ADAMTS3: variants seen among roughly 807,000 people sequenced by gnomAD.
ADAMTS3 encodes A disintegrin and metalloproteinase with thrombospondin motifs 3.
In ADAMTS3, 73 loss-of-function variants were observed where a neutral mutation model predicts 129.0. That is an observed-to-expected ratio of 0.57 (90% CI 0.47 to 0.69). The LOEUF (loss-of-function observed/expected upper bound fraction) is 0.69, where lower values mean the gene tolerates loss of function less well. Ranked by LOEUF, ADAMTS3 falls within the 30% of genes least tolerant of loss-of-function variation. The pLI is 0.00. For missense variants in ADAMTS3, 1,457 were observed against 1,514.5 expected (o/e 0.96, Z 0.63); for synonymous variants, 477 against 510.8 (o/e 0.93, Z 0.89).
intron 3 of ADAMTS3, among the ~76,000 whole-genome samples, chr4:72,421,422 A>G: frequency 6.6e-6 from 1 of 152,210 alleles, no homozygotes. Context: ...TAGGTGCATA[A>G]CACTTGAGGG....
chr4:72,472,656 G>A (rs1007284068), intron 3 of ADAMTS3, among the ~76,000 whole-genome samples: 5 of 152,016 alleles, frequency 3.3e-5, no homozygotes, highest in Non-Finnish European at 5.9e-5. Flanking sequence ...CTTTCACCTT[G>A]CAGTTCTGAA....
chr4:72,480,439 G>C (rs184190752), intron 3 of ADAMTS3, among the ~76,000 whole-genome samples: 1 of 151,754 alleles, frequency 6.6e-6, no homozygotes, highest in Non-Finnish European at 1.5e-5. Context: ...GTAAACTATC[G>C]CAAGGACAAA....
intron 3 of ADAMTS3, among the ~76,000 whole-genome samples, chr4:72,530,056 A>AATATGTTATATATTATATTTATAT (rs1720951895): frequency 4.0e-4 from 1 of 2,514 alleles, no homozygotes; most frequent in African/African-American, 2.3e-3. Context: ...ATTTATATAT[A>AATATGTTATATATTATATTTATAT]ATATGTTATA....
intron 4 of ADAMTS3, among the ~76,000 whole-genome samples, chr4:72,349,163 C>T (rs1578604241): frequency 1.3e-5 from 2 of 152,020 alleles, no homozygotes; most frequent in African/African-American, 2.4e-5. Flanking sequence ...AGAAGCTAAA[C>T]TTATCTGAGC....
At chr4:72,458,275 C>G (rs1448973372) in intron 3 of ADAMTS3, among the ~76,000 whole-genome samples, 1 of 151,446 alleles carries the variant, frequency 6.6e-6, no homozygotes, top group Admixed American at 6.6e-5. Context: ...ATCCCAGAGC[C>G]TTAAAGTCTC....
chr4:72,372,671 CTAGA>C (rs1232185353), intron 4 of ADAMTS3, among the ~76,000 whole-genome samples: 2 of 151,680 alleles, frequency 1.3e-5, no homozygotes, highest in Non-Finnish European at 2.9e-5. Context: ...TTTTTATATG[CTAGA>C]TATAGAATTT....
At chr4:72,374,756 T>A (rs1460391310) in intron 4 of ADAMTS3, among the ~76,000 whole-genome samples, 1 of 152,194 alleles carries the variant, frequency 6.6e-6, no homozygotes, top group South Asian at 2.1e-4. Flanking sequence ...AATTTATTTT[T>A]AAATGTGGAA....
rs139921635 is a variant in ADAMTS3, at chr4:72,315,920, G to T, written c.1537C>A (p.Pro513Thr). 32,438 of 1,613,006 alleles carry T rather than the reference G, an allele frequency of 0.02. 381 individuals carry two copies. Among genetic ancestry groups the T allele is most frequent in the Non-Finnish European group, 0.023 (26,796 of 1,179,192 alleles). ...KQLWCSHPDNPYFCKTKKGPP... is the reference protein window; with the variant it reads ...KQLWCSHPDNTYFCKTKKGPP... Reference sequence around the variant, plus strand: ...CCCTTTTTAGTCTTACAAAAGTAGGGATTATCAGGATGGCTACACCACAGC... The same window carrying T: ...CCCTTTTTAGTCTTACAAAAGTAGGTATTATCAGGATGGCTACACCACAGC... Residue 513 changes from proline (P) to threonine (T), a missense_variant, in exon 11 of 22, where the codon CCC becomes ACC. Physicochemically the swap from Pro to Thr is conservative, Grantham distance 38 (BLOSUM62 -1). Transcript: ENST00000286657.
At chr4:72,407,437 T>G (rs950050871) in intron 4 of ADAMTS3, among the ~76,000 whole-genome samples, 2 of 152,136 alleles carry the variant, frequency 1.3e-5, no homozygotes, top group African/African-American at 4.8e-5. Flanking sequence ...CTTTTATCCC[T>G]GTAGCACATG....
chr4:72,539,506 A>C (rs1158558526), intron 3 of ADAMTS3, among the ~76,000 whole-genome samples: 1 of 151,600 alleles, frequency 6.6e-6, no homozygotes, highest in Non-Finnish European at 1.5e-5. Context: ...AAAAAAAAAA[A>C]AAAAAAACAG....
intron 3 of ADAMTS3, among the ~76,000 whole-genome samples, chr4:72,534,856 G>T (rs961189232): frequency 1.3e-5 from 2 of 152,082 alleles, no homozygotes; most frequent in African/African-American, 4.8e-5. Flanking sequence ...TAGATCAATG[G>T]TTAGGGTCTA....
intron 4 of ADAMTS3, among the ~76,000 whole-genome samples, chr4:72,375,475 T>C (rs767195598): frequency 1.4e-4 from 21 of 152,104 alleles, no homozygotes; most frequent in Non-Finnish European, 2.8e-4. Context: ...ACTGCACAGA[T>C]ACATGATTAC....
intron 3 of ADAMTS3, among the ~76,000 whole-genome samples, chr4:72,483,401 T>C (rs1719492148): frequency 6.6e-6 from 1 of 152,206 alleles, no homozygotes; most frequent in Non-Finnish European, 1.5e-5. Flanking sequence ...TAGTCTAGCC[T>C]TGGTTAAAGC....
chr4:72,506,048 C>T (rs1015004421), intron 3 of ADAMTS3, among the ~76,000 whole-genome samples: 1 of 152,126 alleles, frequency 6.6e-6, no homozygotes, highest in Admixed American at 6.5e-5. Flanking sequence ...GAGAGGGCAC[C>T]CCCATACCCA....
At chr4:72,464,671 C>T (rs151125368) in intron 3 of ADAMTS3, among the ~76,000 whole-genome samples, 1 of 152,132 alleles carries the variant, frequency 6.6e-6, no homozygotes, top group Non-Finnish European at 1.5e-5. Flanking sequence ...CAGTCAAATA[C>T]TAATGGCAAC....
intron 3 of ADAMTS3, among the ~76,000 whole-genome samples, chr4:72,455,867 ACACT>A (rs1718546058): frequency 7.9e-6 from 1 of 126,572 alleles, no homozygotes; most frequent in South Asian, 2.3e-4. Context: ...TATAGTATAT[ACACT>A]GTATATACTA....
chr4:72,481,884 A>G (rs1393293854), intron 3 of ADAMTS3, among the ~76,000 whole-genome samples: 1 of 152,158 alleles, frequency 6.6e-6, no homozygotes, highest in Non-Finnish European at 1.5e-5. Context: ...TATTTAGAGA[A>G]TACATAAATG....
chr4:72,529,786 T>C (rs1720920038), intron 3 of ADAMTS3, among the ~76,000 whole-genome samples: 1 of 98,540 alleles, frequency 1.0e-5, no homozygotes, highest in African/African-American at 4.0e-5. Flanking sequence ...TAATATATGA[T>C]ATAATTTAAT....
chr4:72,460,146 CT>C (rs889876902), intron 3 of ADAMTS3, among the ~76,000 whole-genome samples: 1 of 151,478 alleles, frequency 6.6e-6, no homozygotes, highest in African/African-American at 2.4e-5. Context: ...CCCGCCCCCA[CT>C]TTTTTTACCG....
Sources: allele counts gnomAD v4.1 joint callset (sites outside exome capture counted in the v4.1 genomes callset), GRCh38; gene constraint gnomAD v4.1.1; transcripts MANE v1.5; gene names NCBI Gene and HGNC (gene_info 2026-07-23, HGNC 2026-07-21).